Variants in BATF observed in about 807,000 individuals in gnomAD.
The protein encoded by BATF is basic leucine zipper ATF-like transcription factor, also known as basic leucine zipper transcriptional factor ATF-like.
In BATF, 5 loss-of-function variants were observed where a neutral mutation model predicts 13.7. The ratio of observed to expected loss-of-function variants is 0.36; its 90% CI spans 0.19 to 0.77. The LOEUF (loss-of-function observed/expected upper bound fraction) is 0.77. Ranked by LOEUF, BATF falls within the 30% of genes least tolerant of loss-of-function variation. The pLI is 0.51. For synonymous variants in BATF, 72 were observed against 67.5 expected, an observed-to-expected ratio of 1.07 and a Z score of -0.33; for missense variants, 124 against 163.0, an observed-to-expected ratio of 0.76 and a Z score of 1.30.
chr14:75,533,299 G>A (rs1256564420), intron 2 of BATF, among the ~76,000 whole-genome samples: 4 of 151,974 alleles, frequency 2.6e-5, no homozygotes, highest in Non-Finnish European at 5.9e-5. Context: ...GTGGTGGCGG[G>A]CGCCTGTAGT....
intron 2 of BATF, among the ~76,000 whole-genome samples, chr14:75,530,849 A>G (rs999921165): frequency 1.3e-4 from 20 of 152,302 alleles, no homozygotes; most frequent in Admixed American, 5.9e-4. Context: ...AAAGTTACAT[A>G]TATGCATAAG....
At chr14:75,523,570 C>G (rs1887608819) in intron 1 of BATF, among the ~76,000 whole-genome samples, 1 of 152,204 alleles carries the variant, frequency 6.6e-6, no homozygotes, top group African/African-American at 2.4e-5. Context: ...CCCTGCCCAT[C>G]TCACAGCTTC....
intron 2 of BATF, among the ~76,000 whole-genome samples, chr14:75,528,210 G>A (rs972662355): frequency 2.6e-5 from 4 of 152,310 alleles, no homozygotes; most frequent in Admixed American, 2.6e-4. Context: ...CTTTACAGAT[G>A]AGGGTTTGGG....
intron 2 of BATF, among the ~76,000 whole-genome samples, chr14:75,527,427 G>A (rs1887669870): frequency 1.3e-5 from 2 of 152,136 alleles, no homozygotes; most frequent in South Asian, 4.1e-4. Context: ...CACTTCTAGG[G>A]CTGGAGATCT....
At chr14:75,524,213 C>T (rs2140033269) in intron 1 of BATF, among the ~76,000 whole-genome samples, 1 of 152,330 alleles carries the variant, frequency 6.6e-6, no homozygotes, top group Admixed American at 6.5e-5. Flanking sequence ...CAGGACATGC[C>T]TCTCTCTGGG....
At chr14:75,535,162 G>A (rs957795091) in intron 2 of BATF, among the ~76,000 whole-genome samples, 1 of 152,210 alleles carries the variant, frequency 6.6e-6, no homozygotes, top group Non-Finnish European at 1.5e-5. Flanking sequence ...GTTCATGCCT[G>A]TAATCCCAAT....
intron 2 of BATF, among the ~76,000 whole-genome samples, chr14:75,529,867 A>T (rs1398688594): frequency 6.6e-6 from 1 of 152,106 alleles, no homozygotes; most frequent in Non-Finnish European, 1.5e-5. Context: ...GATCGAGACC[A>T]TCCTGGCTAA....
At chr14:75,527,903 A>G (rs757257031) in intron 2 of BATF, among the ~76,000 whole-genome samples, 44 of 152,228 alleles carry the variant, frequency 2.9e-4, no homozygotes, top group Non-Finnish European at 5.3e-4. Context: ...ACTGCTGCCA[A>G]TGCAACTTAT....
At chr14:75,526,805 A>T (rs1205126465) in intron 2 of BATF, among the ~76,000 whole-genome samples, 1 of 152,192 alleles carries the variant, frequency 6.6e-6, no homozygotes, top group Non-Finnish European at 1.5e-5. Context: ...AAGCTTGAAC[A>T]TCTATGATCC....
At chr14:75,533,296 C>T (rs148237427) in intron 2 of BATF, among the ~76,000 whole-genome samples, 1,740 of 151,982 alleles carry the variant, frequency 0.011, 14 homozygotes, top group South Asian at 0.046. Context: ...GGCGTGGTGG[C>T]GGGCGCCTGT....
At chr14:75,536,492 G>A (rs761454876) in intron 2 of BATF, among the ~76,000 whole-genome samples, 102 of 152,070 alleles carry the variant, frequency 6.7e-4, no homozygotes, top group Admixed American at 2.2e-3. Context: ...TTGGGAGGCC[G>A]AGTTGGTTGG....
chr14:75,539,480 G>A (rs1186076323), intron 2 of BATF, among the ~76,000 whole-genome samples: 1 of 105,574 alleles, frequency 9.5e-6, no homozygotes, highest in African/African-American at 3.5e-5. Flanking sequence ...CTTTCTAGAG[G>A]AAGGCAAGGC....
chr14:75,542,085 C>T lies in BATF; in HGVS notation c.169-4377C>T, dbSNP rs552672912. 5.9e-5 allele frequency among the ~76,000 whole-genome samples: 9 copies of T among 152,300 alleles called. No individual in the cohort carries two copies. In the East Asian group the frequency reaches 1.7e-3, roughly 29 times the overall value. On this transcript the variant is annotated intron_variant, in intron 2 of 2. Coordinates refer to ENST00000286639, the MANE Select transcript of BATF (RefSeq NM_006399.5). ...CAAGCCCTGCTCTGCGCCTCCCTCG[C>T]GGGCAATGAGTCTTTGCATCAAACA...
At chr14:75,533,427 C>CAAAAA (rs888084841) in intron 2 of BATF, among the ~76,000 whole-genome samples, 1 of 63,892 alleles carries the variant, frequency 1.6e-5, no homozygotes. Flanking sequence ...GACTCCGTCT[C>CAAAAA]AAAAAAAAAA....
intron 1 of BATF, among the ~76,000 whole-genome samples, 170 bp from the exon 2 acceptor site, chr14:75,524,914 A>G (rs1482731334): frequency 2.0e-5 from 3 of 151,650 alleles, no homozygotes; most frequent in Non-Finnish European, 4.4e-5. Context: ...GCAGGCATGG[A>G]GAAGAGCTCT....
chr14:75,546,336 C>G (rs1277776590), intron 2 of BATF, 126 bp from the exon 3 acceptor site: 1 of 917,476 alleles, frequency 1.1e-6, no homozygotes, highest in East Asian at 2.6e-5. Flanking sequence ...GGAAAATTCT[C>G]TGGTGCCCTT....
chr14:75,533,300 C>T (rs569075883), intron 2 of BATF, among the ~76,000 whole-genome samples: 51 of 151,836 alleles, frequency 3.4e-4, no homozygotes, highest in African/African-American at 4.6e-4. Context: ...TGGTGGCGGG[C>T]GCCTGTAGTC....
chr14:75,527,835 G>A (rs1023438462), intron 2 of BATF, among the ~76,000 whole-genome samples: 11 of 152,148 alleles, frequency 7.2e-5, no homozygotes, highest in African/African-American at 2.7e-4. Context: ...CCACAGCATC[G>A]TCTTTACCTT....
chr14:75,529,847 G>T (rs1388879732), intron 2 of BATF, among the ~76,000 whole-genome samples: 1 of 152,038 alleles, frequency 6.6e-6, no homozygotes, highest in Non-Finnish European at 1.5e-5. Context: ...GGCGGATCAC[G>T]AGGTCAGCAG....
Sources: allele counts gnomAD v4.1 joint callset (sites outside exome capture counted in the v4.1 genomes callset), GRCh38; gene constraint gnomAD v4.1.1; transcripts MANE v1.5; gene names NCBI Gene and HGNC (gene_info 2026-07-23, HGNC 2026-07-21).